Variants in PTPRN2 observed in about 807,000 individuals in gnomAD.
PTPRN2 encodes the protein protein tyrosine phosphatase receptor type N2.
In PTPRN2, 74 loss-of-function variants were observed where a neutral mutation model predicts 118.8. The ratio of observed to expected loss-of-function variants is 0.62; its 90% CI spans 0.52 to 0.76. The LOEUF is 0.76. Among genes scored for constraint, PTPRN2 ranks in the 30% least tolerant of loss-of-function variants. The probability of loss-of-function intolerance (pLI) is 0.00; values close to 1 mark genes in which losing one functional copy is unlikely to be tolerated. For synonymous variants in PTPRN2, 641 were observed against 608.0 expected (o/e 1.05, Z -0.80); for missense variants, 1,481 against 1,394.4 (o/e 1.06, Z -0.99).
chr7:157,991,363 T>C (rs1804239918), intron 11 of PTPRN2, among the ~76,000 whole-genome samples: 1 of 152,224 alleles, frequency 6.6e-6, no homozygotes, highest in South Asian at 2.1e-4. Flanking sequence ...CAGGAACAGA[T>C]TCTCTTTGAC....
At chr7:157,812,082 G>A (rs1040345369) in intron 12 of PTPRN2, among the ~76,000 whole-genome samples, 2 of 152,262 alleles carry the variant, frequency 1.3e-5, no homozygotes, top group Middle Eastern at 3.4e-3. Flanking sequence ...GGGTTTGGCC[G>A]GGCTCCCCTT....
chr7:158,190,321 C>T (rs1303553460), intron 5 of PTPRN2, among the ~76,000 whole-genome samples: 4 of 152,216 alleles, frequency 2.6e-5, no homozygotes, highest in Admixed American at 2.6e-4. Context: ...CCACAAAATC[C>T]AGCAGGATGT....
intron 14 of PTPRN2, among the ~76,000 whole-genome samples, chr7:157,652,278 G>A (rs994496294): frequency 3.9e-5 from 6 of 152,306 alleles, no homozygotes; most frequent in Admixed American, 6.5e-5. Context: ...CCAGCCCGAC[G>A]CACCTTCGGC....
chr7:157,719,382 T>C (rs67816575), intron 12 of PTPRN2, among the ~76,000 whole-genome samples: 11,031 of 152,242 alleles, frequency 0.072, 740 homozygotes, highest in African/African-American at 0.18. Flanking sequence ...AAGTCCCCCA[T>C]TGGGAGTGGA....
intron 12 of PTPRN2, among the ~76,000 whole-genome samples, chr7:157,860,641 C>A (rs956024110): frequency 2.0e-5 from 3 of 152,246 alleles, no homozygotes; most frequent in East Asian, 3.8e-4. Flanking sequence ...TTTAACGATG[C>A]CTTTTAATAT....
intron 3 of PTPRN2, among the ~76,000 whole-genome samples, chr7:158,215,689 G>A (rs1827905295): frequency 1.3e-5 from 2 of 152,090 alleles, no homozygotes; most frequent in East Asian, 1.9e-4. Flanking sequence ...AGAAACAATG[G>A]AGGCCACAAG....
chr7:158,050,928 G>A (rs188679435), intron 11 of PTPRN2, among the ~76,000 whole-genome samples: 5 of 152,328 alleles, frequency 3.3e-5, no homozygotes, highest in African/African-American at 7.2e-5. Context: ...CTCTCCCCAC[G>A]GCAGGAGTGA....
intron 2 of PTPRN2, among the ~76,000 whole-genome samples, chr7:158,440,843 TGACGG>T (rs1816975154): frequency 8.8e-5 from 9 of 102,336 alleles, no homozygotes; most frequent in Middle Eastern, 5.2e-3. Flanking sequence ...GTGATGGCAG[TGACGG>T]GGGTGGTGGT....
intron 12 of PTPRN2, among the ~76,000 whole-genome samples, chr7:157,839,045 T>G (rs1317839771): frequency 1.3e-5 from 2 of 152,138 alleles, no homozygotes. Context: ...GGGAGAAAGC[T>G]CCTCTCCGCC....
At chr7:157,757,593 A>G (rs1801869051) in intron 12 of PTPRN2, among the ~76,000 whole-genome samples, 1 of 151,506 alleles carries the variant, frequency 6.6e-6, no homozygotes, top group Non-Finnish European at 1.5e-5. Flanking sequence ...TTAGCGGGCT[A>G]TGAGGATCTT....
At chr7:158,548,519 G>A (rs971142298) in intron 1 of PTPRN2, among the ~76,000 whole-genome samples, 3 of 152,188 alleles carry the variant, frequency 2.0e-5, no homozygotes, top group Non-Finnish European at 2.9e-5. Context: ...ACCCCTCAGC[G>A]ATGACCAGGG....
intron 2 of PTPRN2, among the ~76,000 whole-genome samples, chr7:158,400,503 T>C (rs1812850934): frequency 6.6e-6 from 1 of 152,194 alleles, no homozygotes; most frequent in Non-Finnish European, 1.5e-5. Context: ...TCAAGCCCAT[T>C]TCTCTGAGCT....
chr7:158,434,505 G>A (rs1816436276), intron 2 of PTPRN2, among the ~76,000 whole-genome samples: 1 of 151,962 alleles, frequency 6.6e-6, no homozygotes. Flanking sequence ...TTAGGGTAGT[G>A]TTTTCATTGT....
At chr7:158,522,036 A>G (rs370053410) in intron 1 of PTPRN2, among the ~76,000 whole-genome samples, 246 of 24,102 alleles carry the variant, frequency 0.01, 1 homozygote, top group Middle Eastern at 0.025. Context: ...CTGTCCGGGT[A>G]GTGGCTCAGG....
At chr7:158,142,459 G>A (rs1470705542) in intron 6 of PTPRN2, among the ~76,000 whole-genome samples, 3 of 152,236 alleles carry the variant, frequency 2.0e-5, no homozygotes, top group East Asian at 3.9e-4. Flanking sequence ...TGTTTCAACA[G>A]CAGCTGTACC....
chr7:158,146,973 C>G (rs1386118478), intron 6 of PTPRN2, among the ~76,000 whole-genome samples: 1 of 130,402 alleles, frequency 7.7e-6, no homozygotes, highest in Non-Finnish European at 1.6e-5. Context: ...CATCTCACGC[C>G]ACGTGTCTTT....
intron 12 of PTPRN2, among the ~76,000 whole-genome samples, chr7:157,755,978 G>A (rs781669969): frequency 6.6e-5 from 10 of 152,206 alleles, no homozygotes; most frequent in Non-Finnish European, 1.5e-4. Context: ...AGGGCTGGGC[G>A]GGGCTGGCAT....
chr7:157,748,736 G>C (rs201559178), intron 12 of PTPRN2, among the ~76,000 whole-genome samples: 5,134 of 106,460 alleles, frequency 0.048, 139 homozygotes, highest in Admixed American at 0.093. Context: ...TCCCTGAGCT[G>C]TGGGCTGTCC....
intron 3 of PTPRN2, among the ~76,000 whole-genome samples, chr7:158,247,693 T>G (rs1297823361): frequency 6.6e-6 from 1 of 152,164 alleles, no homozygotes; most frequent in East Asian, 1.9e-4. Context: ...CTTGGCTCAC[T>G]GCAATCTCCG....
Sources: gnomAD v4.1 joint callset for allele counts (sites outside exome capture counted in the v4.1 genomes callset) on GRCh38, gnomAD v4.1.1 for gene constraint, MANE v1.5 for transcripts, NCBI Gene and HGNC (gene_info 2026-07-23, HGNC 2026-07-21) for gene names.